The following SYTL2 variants were observed in gnomAD, a reference collection of about 807,000 sequenced individuals.
SYTL2 encodes the protein synaptotagmin-like protein 2.
Under a neutral mutation model 198.7 loss-of-function variants are expected in SYTL2, and 165 were observed. The observed-to-expected ratio is 0.83, with a 90% CI of 0.73 to 0.94. SYTL2 has a LOEUF of 0.94. Ranked by LOEUF, SYTL2 falls within the 40% of genes least tolerant of loss-of-function variation. The pLI is 0.00. For missense variants in SYTL2, 2,835 were observed against 2,582.8 expected, an observed-to-expected ratio of 1.10 and a Z score of -2.12; for synonymous variants, 966 against 917.7, an observed-to-expected ratio of 1.05 and a Z score of -0.95.
the SYTL2 span, among the ~76,000 whole-genome samples, chr11:85,822,949 A>G: frequency 7.7e-4 from 118 of 152,374 alleles, no homozygotes; most frequent in Non-Finnish European, 1.5e-3. Context: ...CTGAGTGTGA[A>G]GAGAATGGTA....
At chr11:85,794,578 G>C (rs2092776240) in intron 1 of SYTL2, among the ~76,000 whole-genome samples, 3 of 152,132 alleles carry the variant, frequency 2.0e-5, no homozygotes. Flanking sequence ...AAAGAATCCA[G>C]ATTCTCAAAT....
chr11:85,704,498 C>T (rs1026460209), intron 16 of SYTL2, among the ~76,000 whole-genome samples: 1 of 152,236 alleles, frequency 6.6e-6, no homozygotes, highest in East Asian at 1.9e-4. Context: ...ATTTCAGGAA[C>T]TAGTTTTGAC....
chr11:85,698,962 C>G (rs1350815913), intron 17 of SYTL2, among the ~76,000 whole-genome samples: 1 of 152,194 alleles, frequency 6.6e-6, no homozygotes, highest in Non-Finnish European at 1.5e-5. Context: ...TTCATACGAA[C>G]AGAGGAATGC....
chr11:85,694,537 C>CA lies in SYTL2; in HGVS notation c.*657dup, dbSNP rs899221409. The CA allele has an allele frequency of 6.6e-6, 1 of 152,146 alleles. No homozygotes were observed. Among genetic ancestry groups the CA allele is most frequent in the Non-Finnish European group, 1.5e-5 (1 of 68,004 alleles). The allele number at this position is 152,146 out of a possible 1,614,324, so 9.4% of individuals were successfully genotyped here. A position where few individuals can be genotyped will look rare whatever the true frequency, so the allele number is the denominator to read the frequency against. ...GACCTATTTTAGAATTAAGTCAAAACAAGCCAACAACTGAATTGTACCTAT... is the reference window on the plus strand; with the variant it reads ...GACCTATTTTAGAATTAAGTCAAAACAAAGCCAACAACTGAATTGTACCTAT... On this transcript the variant is annotated 3_prime_UTR_variant, in exon 20 of 20. Coordinates refer to ENST00000359152, the MANE Select transcript of SYTL2 (RefSeq NM_206927.4).
At chr11:85,739,459 C>A (rs1009509097) in intron 4 of SYTL2, among the ~76,000 whole-genome samples, 2 of 151,912 alleles carry the variant, frequency 1.3e-5, no homozygotes, top group African/African-American at 4.8e-5. Flanking sequence ...TAGGGGCAAA[C>A]TGGGATGAGG....
At chr11:85,795,148 T>C (rs528987341) in intron 1 of SYTL2, among the ~76,000 whole-genome samples, 1 of 152,296 alleles carries the variant, frequency 6.6e-6, no homozygotes, top group East Asian at 1.9e-4. Flanking sequence ...TAGTGAACCT[T>C]GTATTAGCTG....
At chr11:85,763,556 T>G (rs374702887) in intron 1 of SYTL2, among the ~76,000 whole-genome samples, 1 of 152,154 alleles carries the variant, frequency 6.6e-6, no homozygotes, top group African/African-American at 2.4e-5. Context: ...ATAACACAGA[T>G]AGCATCTTCT....
At chr11:85,834,479 T>G in the SYTL2 span, among the ~76,000 whole-genome samples, 1 of 152,164 alleles carries the variant, frequency 6.6e-6, no homozygotes, top group Non-Finnish European at 1.5e-5. Context: ...TTAAAATGTT[T>G]ATTACAGACA....
chr11:85,789,380 A>ATATATATATATG (rs1566026470), intron 1 of SYTL2, among the ~76,000 whole-genome samples: 3 of 72,284 alleles, frequency 4.2e-5, no homozygotes, highest in African/African-American at 1.6e-4. Flanking sequence ...ATATATATGT[A>ATATATATATATG]TATATATATA....
upstream of SYTL2, among the ~76,000 whole-genome samples, chr11:85,813,375 G>T (rs1237630417): frequency 6.6e-6 from 1 of 152,160 alleles, no homozygotes; most frequent in Non-Finnish European, 1.5e-5. Context: ...AAAAGAAGAT[G>T]CACATGTTTA....
rs774021437 is a variant in SYTL2, at chr11:85,698,055, C to T, written c.6292G>A (p.Glu2098Lys). 2.5e-6 allele frequency: 4 copies of T among 1,613,690 alleles called. No homozygotes were observed. Among genetic ancestry groups the T allele is most frequent in the Non-Finnish European group, 3.4e-6 (4 of 1,179,682 alleles). The change falls in exon 18 of 20, where the codon GAA becomes AAA. Residue 2098 changes from glutamate to lysine, a missense_variant. By Grantham distance (56) the Glu-to-Lys change is moderately conservative. This residue lies in a region of SYTL2 where 185 missense variants were observed against 182.1 expected (regional missense o/e 1.02). Transcript: ENST00000359152. Reference sequence around the variant, plus strand: ...CATTCCTTCACCCAGATGTGCACTTCTCCAGTTGTAGGAAGCTTTTTACCT... The same window carrying T: ...CATTCCTTCACCCAGATGTGCACTTTTCCAGTTGTAGGAAGCTTTTTACCT... ...VPGKKLPTTG[E>K]VHIWVKECLD...
intron 2 of SYTL2, among the ~76,000 whole-genome samples, chr11:85,753,038 A>G (rs2153538986): frequency 6.8e-6 from 1 of 146,780 alleles, no homozygotes; most frequent in East Asian, 2.1e-4. Flanking sequence ...CCATCGCTGT[A>G]GATGTGGTTG....
chr11:85,791,551 C>T (rs374228073), intron 1 of SYTL2, among the ~76,000 whole-genome samples: 1 of 152,206 alleles, frequency 6.6e-6, no homozygotes, highest in African/African-American at 2.4e-5. Context: ...AACATCTTTC[C>T]TGTTCTAAAG....
rs755636870 is a variant in SYTL2 at position 85,720,960 on chromosome 11, C to T, written c.5327-1G>A. 1.9e-6 allele frequency: 3 copies of T among 1,605,594 alleles called. No individual in the cohort carries two copies. The highest frequency in any genetic ancestry group is 3.3e-5 in the Admixed American group (2 of 59,900). On this transcript the variant is annotated splice_acceptor_variant, in intron 8 of 19. Transcript: ENST00000359152. LOFTEE classifies it high-confidence loss of function. Reference sequence around the variant, plus strand: ...ACAGGACTGGGTTCTTCTTCTGAACCTGTTATAAAACAAAATCGATGAACA... The same window carrying T: ...ACAGGACTGGGTTCTTCTTCTGAACTTGTTATAAAACAAAATCGATGAACA...
chr11:85,829,035 C>CA, the SYTL2 span, among the ~76,000 whole-genome samples: 13 of 138,136 alleles, frequency 9.4e-5, no homozygotes, highest in African/African-American at 3.4e-4. Flanking sequence ...CCACCATACC[C>CA]AAAAAAGAGC....
intron 4 of SYTL2, among the ~76,000 whole-genome samples, chr11:85,744,513 T>C (rs560424979): frequency 7.2e-5 from 11 of 152,200 alleles, no homozygotes; most frequent in South Asian, 2.1e-4. Context: ...AAATGGGAAA[T>C]AGATAAATAA....
chr11:85,719,825 TTTTC>T (rs1479535398), intron 9 of SYTL2, among the ~76,000 whole-genome samples: 17 of 152,234 alleles, frequency 1.1e-4, no homozygotes, highest in Admixed American at 5.2e-4. Context: ...TGGCTTTTTC[TTTTC>T]TTTTTTTCAT....
chr11:85,758,940 A>T (rs1420113198), intron 1 of SYTL2, among the ~76,000 whole-genome samples: 1 of 152,176 alleles, frequency 6.6e-6, no homozygotes, highest in African/African-American at 2.4e-5. Flanking sequence ...ACACACTAAA[A>T]ACCTTTAGTA....
At chr11:85,759,903 A>C (rs1275538956) in intron 1 of SYTL2, among the ~76,000 whole-genome samples, 2 of 152,180 alleles carry the variant, frequency 1.3e-5, no homozygotes, top group Non-Finnish European at 2.9e-5. Flanking sequence ...CCCCAAGTTA[A>C]AGTTGCAGCA....
Sources: allele counts gnomAD v4.1 joint callset (sites outside exome capture counted in the v4.1 genomes callset), GRCh38; gene constraint gnomAD v4.1.1; regional missense constraint gnomAD v4.1.1; transcripts MANE v1.5; gene names NCBI Gene and HGNC (gene_info 2026-07-23, HGNC 2026-07-21).